The following KCNG3 variants were observed in gnomAD, a reference collection of about 807,000 sequenced individuals.
KCNG3 encodes the protein voltage-gated potassium channel regulatory subunit KCNG3.
A neutral mutation model predicts 29.0 loss-of-function variants in KCNG3; 15 were observed. That is an observed-to-expected ratio of 0.52 (90% CI 0.35 to 0.80). The LOEUF is 0.80. Ranked by LOEUF, KCNG3 falls within the 30% of genes least tolerant of loss-of-function variation. The pLI is 0.01. For missense variants in KCNG3, 512 were observed against 605.7 expected (o/e 0.85, Z 1.62); for synonymous variants, 322 against 248.9 (o/e 1.29, Z -2.76).
chr2:42,483,517 C>A (rs140506714), intron 1 of KCNG3, among the ~76,000 whole-genome samples: 2 of 152,232 alleles, frequency 1.3e-5, no homozygotes. Flanking sequence ...GAGCCCAGGG[C>A]GCCACTGACC....
At chr2:42,415,028 T>C in the KCNG3 span, among the ~76,000 whole-genome samples, 1 of 152,300 alleles carries the variant, frequency 6.6e-6, no homozygotes, top group Non-Finnish European at 1.5e-5. Context: ...GTTTGTTGGA[T>C]TTGTAGATTT....
the KCNG3 span, among the ~76,000 whole-genome samples, chr2:42,406,237 A>C: frequency 1.3e-5 from 2 of 149,220 alleles, no homozygotes; most frequent in Non-Finnish European, 3.0e-5. Flanking sequence ...TTTTTTTTTT[A>C]AGATGGAGTT....
chr2:42,388,880 G>T, the KCNG3 span, among the ~76,000 whole-genome samples: 1 of 151,026 alleles, frequency 6.6e-6, no homozygotes, highest in Non-Finnish European at 1.5e-5. Flanking sequence ...TTTTTTTTTT[G>T]AATGAGATCA....
chr2:42,412,587 A>C, the KCNG3 span, among the ~76,000 whole-genome samples: 5 of 152,332 alleles, frequency 3.3e-5, no homozygotes, highest in Admixed American at 3.3e-4. Flanking sequence ...GATGTAAAGA[A>C]ATGCATGATT....
intron 1 of KCNG3, among the ~76,000 whole-genome samples, chr2:42,479,048 C>A (rs1673513213): frequency 6.7e-6 from 1 of 150,160 alleles, no homozygotes; most frequent in African/African-American, 2.5e-5. Context: ...ATGAGCATTT[C>A]CTTTGAGCAT....
At chr2:42,460,565 T>C (rs1235176377) in intron 1 of KCNG3, among the ~76,000 whole-genome samples, 1 of 152,170 alleles carries the variant, frequency 6.6e-6, no homozygotes, top group Non-Finnish European at 1.5e-5. Flanking sequence ...AAGATAAGTT[T>C]TTCTTCATCT....
At chr2:42,478,590 G>T (rs964120288) in intron 1 of KCNG3, among the ~76,000 whole-genome samples, 2 of 152,074 alleles carry the variant, frequency 1.3e-5, no homozygotes, top group Non-Finnish European at 2.9e-5. Flanking sequence ...GGTAGTGGAG[G>T]ATATAAAAAC....
intron 1 of KCNG3, among the ~76,000 whole-genome samples, chr2:42,448,986 A>G (rs1206057679): frequency 1.3e-5 from 2 of 152,110 alleles, no homozygotes; most frequent in Non-Finnish European, 2.9e-5. Flanking sequence ...TCAAAAAAAA[A>G]AACAAAACAA....
At chr2:42,471,612 T>C (rs1190887195) in intron 1 of KCNG3, among the ~76,000 whole-genome samples, 2 of 152,122 alleles carry the variant, frequency 1.3e-5, no homozygotes, top group African/African-American at 2.4e-5. Context: ...CCAAATTGTA[T>C]ACTTGAAATG....
intron 1 of KCNG3, among the ~76,000 whole-genome samples, chr2:42,447,217 T>C (rs756350769): frequency 3.3e-5 from 5 of 151,860 alleles, no homozygotes; most frequent in Admixed American, 6.6e-5. Flanking sequence ...ATTTGATGTA[T>C]GTACAAACAA....
chr2:42,484,587 T>C (rs539031493), intron 1 of KCNG3, among the ~76,000 whole-genome samples: 47 of 152,388 alleles, frequency 3.1e-4, no homozygotes, highest in Non-Finnish European at 6.3e-4. Context: ...TATGTTCATA[T>C]GTGCATGGAA....
intron 1 of KCNG3, among the ~76,000 whole-genome samples, chr2:42,471,413 T>C (rs1440177221): frequency 6.6e-6 from 1 of 152,164 alleles, no homozygotes; most frequent in Non-Finnish European, 1.5e-5. Flanking sequence ...CTCCATGTTG[T>C]ATAACTGTAT....
chr2:42,482,786 A>C (rs1052493833), intron 1 of KCNG3, among the ~76,000 whole-genome samples: 5 of 152,012 alleles, frequency 3.3e-5, no homozygotes, highest in Non-Finnish European at 5.9e-5. Context: ...TAAATATCCC[A>C]AAAACCACTG....
At chr2:42,438,397 C>T (rs369340718), downstream of KCNG3, among the ~76,000 whole-genome samples, 10 of 152,070 alleles carry the variant, frequency 6.6e-5, no homozygotes, top group Admixed American at 2.6e-4. Flanking sequence ...TAATATAATG[C>T]TGCATAAATA....
chr2:42,467,242 T>C (rs150816316), intron 1 of KCNG3, among the ~76,000 whole-genome samples: 3 of 152,284 alleles, frequency 2.0e-5, no homozygotes, highest in East Asian at 1.9e-4. Flanking sequence ...TTGACATCTA[T>C]TCACCAAAAG....
the KCNG3 span, among the ~76,000 whole-genome samples, chr2:42,422,395 T>C: frequency 6.6e-6 from 1 of 152,262 alleles, no homozygotes; most frequent in African/African-American, 2.4e-5. Context: ...GGGCCTTCAA[T>C]CTTGGACTTC....
At chr2:42,445,190 G>A (rs572861039) in intron 1 of KCNG3, among the ~76,000 whole-genome samples, 21 of 151,300 alleles carry the variant, frequency 1.4e-4, no homozygotes, top group African/African-American at 4.4e-4. Context: ...CTCTTATTTG[G>A]TAGTTTGAAA....
chr2:42,457,040 T>C (rs1672893976), intron 1 of KCNG3, among the ~76,000 whole-genome samples: 6 of 152,126 alleles, frequency 3.9e-5, no homozygotes. Context: ...CCAACCTAGA[T>C]CAATAATAAA....
chr2:42,491,326 G>A (rs1323891620), intron 1 of KCNG3, among the ~76,000 whole-genome samples: 1 of 151,888 alleles, frequency 6.6e-6, no homozygotes, highest in African/African-American at 2.4e-5. Context: ...TTATATTTGA[G>A]GTATTTTACT....
Sources: allele counts gnomAD v4.1 joint callset (sites outside exome capture counted in the v4.1 genomes callset), GRCh38; gene constraint gnomAD v4.1.1; transcripts MANE v1.5; gene names NCBI Gene and HGNC (gene_info 2026-07-23, HGNC 2026-07-21).